Variants in ZNF880 observed in about 807,000 individuals in gnomAD.
ZNF880 encodes the protein zinc finger protein 880, also known as zinc finger protein LOC400713.
ZNF880 carries 12 observed loss-of-function variants against 11.8 expected under a neutral mutation model. That is an observed-to-expected ratio of 1.02 (90% CI 0.65 to 1.65). ZNF880 has a LOEUF of 1.65. Among genes scored for constraint, ZNF880 ranks in the 40% most tolerant of loss-of-function variants. The pLI is 0.00. For missense variants in ZNF880, 601 were observed against 673.9 expected (o/e 0.89, Z 1.20); for synonymous variants, 210 against 232.4 (o/e 0.90, Z 0.88).
intron 2 of ZNF880, 130 bp downstream of exon 2, chr19:52,373,367 G>A (rs1440432725): frequency 1.1e-6 from 1 of 900,772 alleles, no homozygotes; most frequent in Non-Finnish European, 1.7e-6. Flanking sequence ...ACTCAGAAAT[G>A]AAAACCTCCA....
At chr19:52,367,534 T>A (rs1266218551), upstream of ZNF880, 1 of 152,182 alleles carries the variant, frequency 6.6e-6, no homozygotes, top group East Asian at 1.9e-4. Flanking sequence ...ATTATGATTT[T>A]AAGGTTGAAG....
chr19:52,371,365 T>C (rs1173400414), intron 1 of ZNF880, among the ~76,000 whole-genome samples: 1 of 152,046 alleles, frequency 6.6e-6, no homozygotes, highest in Non-Finnish European at 1.5e-5. Flanking sequence ...TTTTTTCTTT[T>C]TCTGAGATGG....
chr19:52,369,050 T>A (rs1296812874), upstream of ZNF880, among the ~76,000 whole-genome samples: 1 of 93,490 alleles, frequency 1.1e-5, no homozygotes, highest in African/African-American at 4.6e-5. Flanking sequence ...ACACTAGGAT[T>A]AATATAAATA....
chr19:52,388,282 C>CTTTTTTTTTTTTT (rs68179783), downstream of ZNF880, among the ~76,000 whole-genome samples: 247 of 63,392 alleles, frequency 3.9e-3, 65 homozygotes, highest in Non-Finnish European at 4.8e-3. Context: ...GCAATTTGAA[C>CTTTTTTTTTTTTT]TTTTTTTTTT....
chr19:52,392,175 C>T, the ZNF880 span, among the ~76,000 whole-genome samples: 1 of 152,290 alleles, frequency 6.6e-6, no homozygotes, highest in East Asian at 1.9e-4. Context: ...GGATGTTACA[C>T]AGGACACAGA....
At chr19:52,368,635 A>G (rs1986233190), upstream of ZNF880, among the ~76,000 whole-genome samples, 1 of 152,070 alleles carries the variant, frequency 6.6e-6, no homozygotes, top group Non-Finnish European at 1.5e-5. Flanking sequence ...GATACCCACT[A>G]CCCATACTGG....
upstream of ZNF880, among the ~76,000 whole-genome samples, chr19:52,369,372 A>C (rs1475003670): frequency 6.6e-6 from 1 of 150,954 alleles, no homozygotes; most frequent in East Asian, 1.9e-4. Context: ...CAAAAAAAAA[A>C]AAAAAAAAAA....
At chr19:52,390,230 A>G (rs2058702693), downstream of ZNF880, 2 of 254,356 alleles carry the variant, frequency 7.9e-6, no homozygotes, top group Non-Finnish European at 1.7e-5. Context: ...ACTGGCCCGC[A>G]CCTTTTTTAA....
At chr19:52,389,465 T>C (rs2122447829), downstream of ZNF880, 1 of 152,310 alleles carries the variant, frequency 6.6e-6, no homozygotes, top group South Asian at 2.1e-4. Flanking sequence ...AAATGATCTC[T>C]TTTGACTCCG....
upstream of ZNF880, among the ~76,000 whole-genome samples, chr19:52,369,688 G>A (rs201426952): frequency 1.3e-5 from 2 of 151,938 alleles, no homozygotes; most frequent in Admixed American, 6.6e-5. Flanking sequence ...ACATGCGAGC[G>A]CCCCTACAGC....
intron 2 of ZNF880, 52 bp downstream of exon 2, chr19:52,373,289 A>T (rs1986447486): frequency 6.4e-7 from 1 of 1,564,712 alleles, no homozygotes; most frequent in Non-Finnish European, 8.7e-7. Context: ...GTATTTTTGC[A>T]TTTTGTCGTG....
intron 3 of ZNF880, among the ~76,000 whole-genome samples, chr19:52,381,126 TTTTAATAGA>T (rs1986694733): frequency 6.6e-6 from 1 of 151,898 alleles, no homozygotes; most frequent in Non-Finnish European, 1.5e-5. Context: ...TACTTACTAC[TTTTAATAGA>T]GATGGGGTCC....
At chr19:52,397,556 ACTCT>A in the ZNF880 span, 1 of 143,742 alleles carries the variant, frequency 7.0e-6, no homozygotes, top group Admixed American at 7.0e-5. Context: ...CTTTCTCTTT[ACTCT>A]CTCTCTTCTC....
At chr19:52,391,859 A>C in the ZNF880 span, among the ~76,000 whole-genome samples, 1 of 126,600 alleles carries the variant, frequency 7.9e-6, no homozygotes, top group East Asian at 2.2e-4. Flanking sequence ...ATAAGATAGG[A>C]GGAAAAACCA....
At chr19:52,396,226 T>C in the ZNF880 span, 1 of 150,462 alleles carries the variant, frequency 6.6e-6, no homozygotes, top group African/African-American at 2.4e-5. Flanking sequence ...CTCCTCGGCC[T>C]CCCAAAGTAT....
At chr19:52,380,610 C>T (rs961304177) in intron 3 of ZNF880, among the ~76,000 whole-genome samples, 3 of 152,070 alleles carry the variant, frequency 2.0e-5, no homozygotes, top group Non-Finnish European at 2.9e-5. Context: ...TTCCTTTTGA[C>T]TCTGGCAATT....
the ZNF880 span, among the ~76,000 whole-genome samples, chr19:52,396,121 A>ATTTTTTTTTTT: frequency 7.8e-4 from 94 of 120,574 alleles, no homozygotes; most frequent in African/African-American, 1.9e-3. Flanking sequence ...TGCCTGGCTA[A>ATTTTTTTTTTT]TTTTTTTTTT....
the ZNF880 span, among the ~76,000 whole-genome samples, chr19:52,393,439 G>C: frequency 6.7e-6 from 1 of 148,832 alleles, no homozygotes; most frequent in Non-Finnish European, 1.5e-5. Flanking sequence ...ACAGATTCTT[G>C]CTTCGAGACA....
intron 3 of ZNF880, among the ~76,000 whole-genome samples, chr19:52,376,596 A>G (rs756975909): frequency 1.8e-5 from 2 of 111,372 alleles, no homozygotes; most frequent in Non-Finnish European, 3.4e-5. Flanking sequence ...TGCAACCTCC[A>G]CCTCCCGAGT....
Sources: allele counts gnomAD v4.1 joint callset (sites outside exome capture counted in the v4.1 genomes callset), GRCh38; gene constraint gnomAD v4.1.1; transcripts MANE v1.5; gene names NCBI Gene and HGNC (gene_info 2026-07-23, HGNC 2026-07-21).